Variants in DGKB observed in about 807,000 individuals in gnomAD.
DGKB encodes 90 kDa diacylglycerol kinase.
Under a neutral mutation model 114.3 loss-of-function variants are expected in DGKB, and 67 were observed. That is an observed-to-expected ratio of 0.59 (90% CI 0.48 to 0.72). The LOEUF (loss-of-function observed/expected upper bound fraction) is 0.72, where lower values mean the gene tolerates loss of function less well. Ranked by LOEUF, DGKB falls within the 30% of genes least tolerant of loss-of-function variation. The pLI, the probability that DGKB is intolerant of heterozygous loss-of-function variation, is 0.00. For synonymous variants in DGKB, 398 were observed against 323.1 expected, an observed-to-expected ratio of 1.23 and a Z score of -2.49; for missense variants, 907 against 975.2, an observed-to-expected ratio of 0.93 and a Z score of 0.93.
chr7:14,411,106 C>A (rs1474423084), intron 21 of DGKB, among the ~76,000 whole-genome samples: 1 of 152,110 alleles, frequency 6.6e-6, no homozygotes, highest in South Asian at 2.1e-4. Flanking sequence ...GGTAAACAAC[C>A]AGTACTGTAG....
At chr7:14,492,004 T>C (rs375593650) in intron 20 of DGKB, among the ~76,000 whole-genome samples, 2 of 152,092 alleles carry the variant, frequency 1.3e-5, no homozygotes, top group African/African-American at 4.8e-5. Context: ...ACTAAACTAG[T>C]ATTTGAAAGA....
intron 21 of DGKB, among the ~76,000 whole-genome samples, chr7:14,376,211 AG>A (rs1179804346): frequency 6.6e-6 from 1 of 152,188 alleles, no homozygotes; most frequent in Admixed American, 6.5e-5. Flanking sequence ...ACCTGGCCCG[AG>A]GCACCCACAG....
At chr7:14,660,447 G>C (rs577837990) in intron 13 of DGKB, among the ~76,000 whole-genome samples, 47 of 152,090 alleles carry the variant, frequency 3.1e-4, no homozygotes, top group African/African-American at 1.1e-3. Flanking sequence ...TTTAGTCTTA[G>C]GAGACTGTAT....
chr7:14,250,422 G>A (rs551779462), intron 23 of DGKB, among the ~76,000 whole-genome samples: 1 of 152,080 alleles, frequency 6.6e-6, no homozygotes, highest in African/African-American at 2.4e-5. Flanking sequence ...TGGTTGTTCA[G>A]GAGTATGTTG....
At position 14,878,668 on chromosome 7, in the gene DGKB, G is replaced by A. The variant is rs145265370; in HGVS notation, c.-188+23924C>T. 6.6e-3 allele frequency among the ~76,000 whole-genome samples: 972 copies of A among 147,806 alleles called. 10 individuals are homozygous for A. Among genetic ancestry groups the A allele is most frequent in the African/African-American group, 0.019 (751 of 40,246 alleles). ...GGAGGCTGAGGCAGGAGAATGGCGT[G>A]AACCCGGGAGGCGGAGCTTGCAGTG... On this transcript the variant is annotated intron_variant, in intron 1 of 25. Transcript: ENST00000402815.
At chr7:14,795,348 G>A (rs898740163) in intron 2 of DGKB, among the ~76,000 whole-genome samples, 3 of 152,182 alleles carry the variant, frequency 2.0e-5, no homozygotes, top group Admixed American at 6.5e-5. Flanking sequence ...TGGACCAAAA[G>A]GTAGTCCGGC....
At chr7:14,589,600 T>A (rs1027841389) in intron 17 of DGKB, among the ~76,000 whole-genome samples, 6 of 152,026 alleles carry the variant, frequency 3.9e-5, no homozygotes, top group Middle Eastern at 3.2e-3. Context: ...ACTCCTATCA[T>A]AAGAATTTTT....
chr7:14,179,173 A>G (rs538427260), intron 23 of DGKB, among the ~76,000 whole-genome samples: 5 of 152,302 alleles, frequency 3.3e-5, no homozygotes, highest in South Asian at 4.1e-4. Flanking sequence ...TTCCTTTCCA[A>G]TCTGAATATT....
chr7:14,701,436 T>C (rs1222276620), intron 7 of DGKB, among the ~76,000 whole-genome samples: 2 of 152,130 alleles, frequency 1.3e-5, no homozygotes, highest in African/African-American at 2.4e-5. Context: ...CTAACTTCAG[T>C]GCAGGAAAAA....
intron 21 of DGKB, among the ~76,000 whole-genome samples, chr7:14,390,341 A>G (rs191334367): frequency 6.6e-6 from 1 of 152,314 alleles, no homozygotes; most frequent in East Asian, 1.9e-4. Flanking sequence ...TTTTACTTTA[A>G]TAATTTAAAA....
chr7:14,408,279 C>T lies in DGKB; in HGVS notation c.1836-62888G>A, dbSNP rs533373817. ...CCCTAGGTGTTGGAGGCAGGAAAAA[C>T]GCCCATAGCCTGGTTAATTATCATG... On this transcript the variant is annotated intron_variant, in intron 21 of 25. Coordinates refer to ENST00000402815, the MANE Select transcript of DGKB (RefSeq NM_001350709.2). Among the ~76,000 whole-genome samples, 14 of 152,066 alleles carry T rather than the reference C, an allele frequency of 9.2e-5. No homozygotes were observed. The East Asian group carries it at 1.9e-3, about 21-fold the overall frequency.
At chr7:14,680,539 C>G (rs1354259316) in intron 12 of DGKB, among the ~76,000 whole-genome samples, 1 of 151,382 alleles carries the variant, frequency 6.6e-6, no homozygotes. Flanking sequence ...TTCTGAAGTA[C>G]CAGATAAGAA....
chr7:14,934,399 T>G (rs994228617), intron 1 of DGKB, among the ~76,000 whole-genome samples: 4 of 152,182 alleles, frequency 2.6e-5, no homozygotes, highest in Admixed American at 6.6e-5. Flanking sequence ...AGCAATTATG[T>G]GAAAATATGC....
chr7:14,779,032 T>A (rs542894718), intron 2 of DGKB, among the ~76,000 whole-genome samples: 1 of 152,218 alleles, frequency 6.6e-6, no homozygotes, highest in African/African-American at 2.4e-5. Flanking sequence ...GGCACATGCC[T>A]GTAGTCCAAG....
intron 13 of DGKB, among the ~76,000 whole-genome samples, chr7:14,661,875 A>G (rs1817165614): frequency 1.3e-5 from 2 of 152,180 alleles, no homozygotes; most frequent in South Asian, 4.1e-4. Context: ...CTATGCAGCC[A>G]TAAAAAATGA....
chr7:14,941,578 A>G (rs1224938331), intron 1 of DGKB, among the ~76,000 whole-genome samples: 1 of 152,124 alleles, frequency 6.6e-6, no homozygotes, highest in African/African-American at 2.4e-5. Flanking sequence ...GATGGTTTAC[A>G]GTTTACCTAA....
intron 1 of DGKB, among the ~76,000 whole-genome samples, chr7:14,860,514 A>T (rs1372945993): frequency 2.0e-5 from 3 of 152,002 alleles, no homozygotes; most frequent in Admixed American, 1.3e-4. Context: ...AGAGGATTTT[A>T]AAAATGGTAT....
At chr7:14,548,883 T>C (rs561017978) in intron 20 of DGKB, among the ~76,000 whole-genome samples, 1 of 151,722 alleles carries the variant, frequency 6.6e-6, no homozygotes, top group African/African-American at 2.4e-5. Context: ...AATGACAGGA[T>C]TTCTTGGTCA....
intron 9 of DGKB, among the ~76,000 whole-genome samples, chr7:14,690,036 A>C (rs1309204596): frequency 6.6e-6 from 1 of 152,224 alleles, no homozygotes; most frequent in Non-Finnish European, 1.5e-5. Context: ...ATGTGGGTAC[A>C]ACAATCCACA....
Sources: allele counts gnomAD v4.1 joint callset (sites outside exome capture counted in the v4.1 genomes callset), GRCh38; gene constraint gnomAD v4.1.1; transcripts MANE v1.5; gene names NCBI Gene and HGNC (gene_info 2026-07-23, HGNC 2026-07-21).